TAF3: variants seen among roughly 807,000 people sequenced by gnomAD.
TAF3 encodes the protein transcription initiation factor TFIID subunit 3.
Under a neutral mutation model 80.6 loss-of-function variants are expected in TAF3, and 7 were observed. That is an observed-to-expected ratio of 0.09 (90% CI 0.05 to 0.16). The LOEUF is 0.16. Ranked by LOEUF, TAF3 falls within the 10% of genes least tolerant of loss-of-function variation. TAF3 has a pLI of 1.00. For synonymous variants in TAF3, 444 were observed against 446.1 expected (o/e 1.00, Z 0.06); for missense variants, 921 against 1,140.2 (o/e 0.81, Z 2.77).
At chr10:7,961,962 A>G (rs1831506001) in intron 2 of TAF3, among the ~76,000 whole-genome samples, 2 of 151,464 alleles carry the variant, frequency 1.3e-5, no homozygotes, top group Admixed American at 1.3e-4. Context: ...TGACCCTTGC[A>G]CCTCAGTCTC....
intron 2 of TAF3, among the ~76,000 whole-genome samples, chr10:7,839,177 G>C (rs1836885091): frequency 6.6e-6 from 1 of 152,060 alleles, no homozygotes; most frequent in Non-Finnish European, 1.5e-5. Flanking sequence ...CTATGTACCT[G>C]GGTCAGCTCA....
chr10:7,897,587 G>A (rs1273091020), intron 2 of TAF3, among the ~76,000 whole-genome samples: 3 of 151,336 alleles, frequency 2.0e-5, no homozygotes, highest in Non-Finnish European at 2.9e-5. Flanking sequence ...CATACCCTTC[G>A]GTTCTTAGAA....
rs1224768472 is a variant in TAF3, at chr10:8,008,958, C to T, written c.2316-120C>T. ...CTGGAACTCAGTTCTTGAGCTGCCT[C>T]TAGACGTTGAAGTATTTCGCTACTG... On this transcript the variant is annotated intron_variant, in intron 4 of 6. Coordinates refer to ENST00000344293, the MANE Select transcript of TAF3 (RefSeq NM_031923.4). The T allele has an allele frequency of 2.9e-6, 4 of 1,386,060 alleles. No individual in the cohort carries two copies. In the African/African-American group the frequency reaches 5.9e-5, roughly 20 times the overall value. The allele number at this position is 1,386,060 out of a possible 1,614,324, so 85.9% of individuals were successfully genotyped here.
intron 4 of TAF3, among the ~76,000 whole-genome samples, chr10:8,007,562 TTATA>T (rs34833399): frequency 0.057 from 3,397 of 60,018 alleles, 104 homozygotes; most frequent in African/African-American, 0.063. Context: ...GTGTGTGAAA[TTATA>T]TATATATATA....
intron 4 of TAF3, among the ~76,000 whole-genome samples, chr10:7,982,377 A>T (rs961755773): frequency 2.6e-5 from 4 of 152,170 alleles, no homozygotes; most frequent in Non-Finnish European, 4.4e-5. Context: ...ATACATTTTT[A>T]AAATTAATTT....
At chr10:7,944,178 T>C (rs940654833) in intron 2 of TAF3, among the ~76,000 whole-genome samples, 2 of 151,646 alleles carry the variant, frequency 1.3e-5, no homozygotes, top group Admixed American at 1.3e-4. Context: ...CTACCTTGTT[T>C]AGGCATGATT....
chr10:7,939,269 G>C (rs959258582), intron 2 of TAF3, among the ~76,000 whole-genome samples: 1 of 152,174 alleles, frequency 6.6e-6, no homozygotes, highest in African/African-American at 2.4e-5. Context: ...CTAGGTGTCA[G>C]TCTCCACACT....
intron 2 of TAF3, among the ~76,000 whole-genome samples, chr10:7,830,900 C>T (rs1250259922): frequency 6.6e-6 from 1 of 152,156 alleles, no homozygotes; most frequent in African/African-American, 2.4e-5. Flanking sequence ...GGATGTTGCG[C>T]ATTGTGCACT....
intron 2 of TAF3, among the ~76,000 whole-genome samples, chr10:7,890,937 C>G (rs1319738610): frequency 6.6e-6 from 1 of 152,196 alleles, no homozygotes; most frequent in East Asian, 1.9e-4. Context: ...ACAAGTCCAG[C>G]TGGGAAAAAC....
At chr10:7,977,524 A>AT (rs142490255) in intron 4 of TAF3, among the ~76,000 whole-genome samples, 27 of 150,432 alleles carry the variant, frequency 1.8e-4, no homozygotes, top group African/African-American at 3.7e-4. Context: ...GACGTAAAGG[A>AT]TTTTTTTTTT....
At chr10:7,935,926 G>A (rs1285172647) in intron 2 of TAF3, among the ~76,000 whole-genome samples, 1 of 152,144 alleles carries the variant, frequency 6.6e-6, no homozygotes, top group Non-Finnish European at 1.5e-5. Flanking sequence ...GGGAAGCTCG[G>A]GGAAGCCCTG....
At chr10:7,879,801 T>G (rs1015459330) in intron 2 of TAF3, among the ~76,000 whole-genome samples, 5 of 152,238 alleles carry the variant, frequency 3.3e-5, no homozygotes, top group Non-Finnish European at 7.3e-5. Flanking sequence ...ACTTGTATCA[T>G]TAAAAATAAT....
intron 2 of TAF3, among the ~76,000 whole-genome samples, chr10:7,829,952 A>T (rs2131103268): frequency 6.6e-6 from 1 of 152,316 alleles, no homozygotes; most frequent in Admixed American, 6.5e-5. Flanking sequence ...ATGTTTGAAA[A>T]AATTAACAAA....
intron 2 of TAF3, among the ~76,000 whole-genome samples, chr10:7,829,814 T>TA (rs1836780563): frequency 6.6e-6 from 1 of 152,162 alleles, no homozygotes; most frequent in South Asian, 2.1e-4. Flanking sequence ...GGAATGGGAG[T>TA]TATGCGTCCC....
In TAF3 at chr10:7,863,727, A is replaced by G. The variant is rs1378437550; in HGVS notation, c.409+39167A>G. 1.5e-5 allele frequency among the ~76,000 whole-genome samples: 2 copies of G among 135,412 alleles called. 1 individual carries two copies. Among genetic ancestry groups the G allele is most frequent in the South Asian group, 4.7e-4 (2 of 4,268 alleles). The allele number at this position is 135,412 out of a possible 152,430, so 88.8% of individuals were successfully genotyped here. On this transcript the variant is annotated intron_variant, in intron 2 of 6. Coordinates refer to ENST00000344293, the MANE Select transcript of TAF3 (RefSeq NM_031923.4). ...TATACACATATATATATACACATAT[A>G]TATATACACATATATATATACACAT...
At chr10:7,993,279 A>T (rs1831851332) in intron 4 of TAF3, among the ~76,000 whole-genome samples, 1 of 152,168 alleles carries the variant, frequency 6.6e-6, no homozygotes, top group African/African-American at 2.4e-5. Context: ...TCTGAGCTCA[A>T]GCCATCCTCC....
intron 2 of TAF3, among the ~76,000 whole-genome samples, chr10:7,852,832 A>G (rs1375242036): frequency 6.6e-6 from 1 of 152,164 alleles, no homozygotes; most frequent in Non-Finnish European, 1.5e-5. Flanking sequence ...CTGGTGGTAG[A>G]GTTTGTATAT....
At chr10:7,859,450 G>C (rs1323942082) in intron 2 of TAF3, among the ~76,000 whole-genome samples, 1 of 152,122 alleles carries the variant, frequency 6.6e-6, no homozygotes, top group Non-Finnish European at 1.5e-5. Flanking sequence ...GTCCATTCCA[G>C]ATTGGGGGAG....
chr10:7,996,271 T>C (rs76017643), intron 4 of TAF3, among the ~76,000 whole-genome samples: 4,485 of 152,266 alleles, frequency 0.029, 238 homozygotes, highest in African/African-American at 0.1. Flanking sequence ...CACGCACAGC[T>C]GTCGGCAGGA....
Sources: allele counts gnomAD v4.1 joint callset (sites outside exome capture counted in the v4.1 genomes callset), GRCh38; gene constraint gnomAD v4.1.1; transcripts MANE v1.5; gene names NCBI Gene and HGNC (gene_info 2026-07-23, HGNC 2026-07-21).